Variants in CSMD1 observed in about 807,000 individuals in gnomAD.
The protein encoded by CSMD1 is CUB and Sushi multiple domains 1, also known as CUB and sushi domain-containing protein 1.
In CSMD1, 213 loss-of-function variants were observed where a neutral mutation model predicts 417.5. The ratio of observed to expected loss-of-function variants is 0.51; its 90% CI spans 0.46 to 0.57. The LOEUF (loss-of-function observed/expected upper bound fraction) is 0.57, where lower values mean the gene tolerates loss of function less well. Ranked by LOEUF, CSMD1 falls within the 20% of genes least tolerant of loss-of-function variation. CSMD1 has a pLI of 0.00. For missense variants in CSMD1, 6,923 were observed against 4,529.7 expected, an observed-to-expected ratio of 1.53 and a Z score of -15.17; for synonymous variants, 2,862 against 1,736.8, an observed-to-expected ratio of 1.65 and a Z score of -16.11.
At chr8:3,505,341 A>C (rs1477892482) in intron 10 of CSMD1, among the ~76,000 whole-genome samples, 1 of 152,210 alleles carries the variant, frequency 6.6e-6, no homozygotes, top group African/African-American at 2.4e-5. Context: ...AAAAGATGAA[A>C]AGAAGATGAG....
chr8:4,842,600 G>A (rs1016909411), intron 1 of CSMD1, among the ~76,000 whole-genome samples: 1 of 152,198 alleles, frequency 6.6e-6, no homozygotes, highest in Non-Finnish European at 1.5e-5. Flanking sequence ...CCCTGCTGCA[G>A]GGAACCCGGG....
At chr8:4,440,705 A>G (rs1022046803) in intron 2 of CSMD1, among the ~76,000 whole-genome samples, 4 of 152,168 alleles carry the variant, frequency 2.6e-5, no homozygotes, top group African/African-American at 9.7e-5. Context: ...TTACAAATTA[A>G]TTAATTCTGG....
intron 5 of CSMD1, among the ~76,000 whole-genome samples, chr8:3,952,034 A>C (rs1811631643): frequency 6.6e-6 from 1 of 152,224 alleles, no homozygotes; most frequent in Non-Finnish European, 1.5e-5. Flanking sequence ...ATGAAAAGAT[A>C]CTGACCTAGG....
intron 2 of CSMD1, among the ~76,000 whole-genome samples, chr8:4,459,531 T>G (rs1273555590): frequency 5.3e-5 from 8 of 152,112 alleles, no homozygotes; most frequent in Non-Finnish European, 1.0e-4. Flanking sequence ...GATAAGCAAT[T>G]TAGAGGAGCC....
chr8:4,369,797 C>G (rs145604051), intron 3 of CSMD1, among the ~76,000 whole-genome samples: 1,530 of 152,196 alleles, frequency 0.01, 75 homozygotes, highest in Admixed American at 0.078. Context: ...AGATCTTTAT[C>G]CATCCCTTTA....
chr8:4,896,849 T>C (rs1804523175), intron 1 of CSMD1, among the ~76,000 whole-genome samples: 1 of 151,942 alleles, frequency 6.6e-6, no homozygotes, highest in African/African-American at 2.4e-5. Context: ...CACGGAGGGT[T>C]GCAGCAGCTG....
At chr8:3,893,132 C>T (rs537465808) in intron 5 of CSMD1, among the ~76,000 whole-genome samples, 1 of 151,518 alleles carries the variant, frequency 6.6e-6, no homozygotes, top group Non-Finnish European at 1.5e-5. Context: ...CATCCTCACA[C>T]AAAAAGGTAA....
chr8:4,086,225 G>C (rs1291594172), intron 3 of CSMD1, among the ~76,000 whole-genome samples: 1 of 151,922 alleles, frequency 6.6e-6, no homozygotes, highest in Non-Finnish European at 1.5e-5. Flanking sequence ...TCACTCTTCT[G>C]GTACATCTTC....
At chr8:4,224,755 A>G (rs1743846518) in intron 3 of CSMD1, among the ~76,000 whole-genome samples, 1 of 152,180 alleles carries the variant, frequency 6.6e-6, no homozygotes, top group Non-Finnish European at 1.5e-5. Context: ...TCCCCATAGT[A>G]TTAACCTGTA....
chr8:4,378,093 G>A (rs1167203231), intron 3 of CSMD1, among the ~76,000 whole-genome samples: 2 of 152,214 alleles, frequency 1.3e-5, no homozygotes, highest in Non-Finnish European at 2.9e-5. Context: ...TGAAGTAGAT[G>A]CAAAACACAG....
intron 6 of CSMD1, among the ~76,000 whole-genome samples, chr8:3,753,235 A>T (rs1327514312): frequency 6.6e-6 from 1 of 152,164 alleles, no homozygotes; most frequent in African/African-American, 2.4e-5. Context: ...TGTTATTTTA[A>T]TTTGGAAATC....
intron 23 of CSMD1, among the ~76,000 whole-genome samples, chr8:3,331,098 C>A (rs957883092): frequency 6.6e-6 from 1 of 151,936 alleles, no homozygotes; most frequent in South Asian, 2.1e-4. Flanking sequence ...ATTAGCCTGG[C>A]GTGGTGGCGG....
chr8:3,982,799 C>A (rs960482995), intron 5 of CSMD1, among the ~76,000 whole-genome samples: 1 of 152,150 alleles, frequency 6.6e-6, no homozygotes, highest in Non-Finnish European at 1.5e-5. Context: ...CAAGAATCCG[C>A]TGGAGGATTC....
intron 3 of CSMD1, among the ~76,000 whole-genome samples, chr8:4,263,623 T>A (rs997611102): frequency 2.0e-5 from 3 of 152,268 alleles, no homozygotes; most frequent in East Asian, 3.9e-4. Context: ...AATTGTCAAA[T>A]AGGAAACCAT....
At chr8:3,759,072 C>G (rs970078915) in intron 5 of CSMD1, among the ~76,000 whole-genome samples, 1 of 152,202 alleles carries the variant, frequency 6.6e-6, no homozygotes, top group African/African-American at 2.4e-5. Flanking sequence ...CAGCTGACAC[C>G]TTGATTGTAG....
intron 8 of CSMD1, among the ~76,000 whole-genome samples, chr8:3,596,513 T>A (rs558474305): frequency 2.0e-5 from 3 of 152,182 alleles, no homozygotes; most frequent in Non-Finnish European, 4.4e-5. Context: ...GCTTTCTTTT[T>A]TTGTAACTTG....
At chr8:3,660,749 G>A (rs762718609) in intron 7 of CSMD1, among the ~76,000 whole-genome samples, 2 of 151,946 alleles carry the variant, frequency 1.3e-5, no homozygotes, top group African/African-American at 4.8e-5. Context: ...TCAAACTCCT[G>A]ACCTCAAATG....
chr8:3,249,618 A>T (rs1255394416), intron 26 of CSMD1, among the ~76,000 whole-genome samples: 1 of 152,232 alleles, frequency 6.6e-6, no homozygotes, highest in Non-Finnish European at 1.5e-5. Flanking sequence ...ACACATATAT[A>T]CATATAGGAG....
Position 3,284,334 on chromosome 8 carries a change from A to G in CSMD1, c.3963T>C (p.Ile1321=). 2 of 1,613,470 alleles carry G rather than the reference A, an allele frequency of 1.2e-6. No individual in the cohort carries two copies. ...DPGKTISLHF[I]VFDTEMAHDI... is the part of the protein sequence containing the mutation. ...CGTGAGCCATCTCCGTGTCGAAAAC[A>G]ATGAAATGGAGGCTGCAAGAGAGAA... The change falls in exon 26 of 70, where the codon ATT becomes ATC. Residue 1321 remains isoleucine (I), a synonymous_variant. Coordinates refer to ENST00000635120, the MANE Select transcript of CSMD1 (RefSeq NM_033225.6).
Sources: gnomAD v4.1 joint callset for allele counts (sites outside exome capture counted in the v4.1 genomes callset) on GRCh38, gnomAD v4.1.1 for gene constraint, MANE v1.5 for transcripts, NCBI Gene and HGNC (gene_info 2026-07-23, HGNC 2026-07-21) for gene names.